The following RNF145 variants were observed in gnomAD, a reference collection of about 807,000 sequenced individuals.
The protein encoded by RNF145 is ring finger protein 145.
In RNF145, 12 loss-of-function variants were observed where a neutral mutation model predicts 57.3. The ratio of observed to expected loss-of-function variants is 0.21; its 90% CI spans 0.13 to 0.34. The LOEUF is 0.34. Ranked by LOEUF, RNF145 falls within the 10% of genes least tolerant of loss-of-function variation. The probability of loss-of-function intolerance (pLI) is 1.00; values close to 1 mark genes in which losing one functional copy is unlikely to be tolerated. For synonymous variants in RNF145, 262 were observed against 288.3 expected (o/e 0.91, Z 0.92); for missense variants, 429 against 799.0 (o/e 0.54, Z 5.58).
chr5:159,182,070 T>C lies in RNF145; in HGVS notation c.294-19A>G. 5 of 1,406,540 alleles carry C rather than the reference T, an allele frequency of 3.6e-6. No individual in the cohort carries two copies. The highest frequency in any genetic ancestry group is 5.0e-6 in the Non-Finnish European group (5 of 992,002). 87.1% of individuals were successfully genotyped at this position (1,406,540 alleles called of 1,614,324 possible). A position where few individuals can be genotyped will look rare whatever the true frequency, so the allele number is the denominator to read the frequency against. On this transcript the variant is annotated intron_variant, in intron 3 of 10. Transcript: ENST00000424310. Reference sequence around the variant, plus strand: ...ATAGTCCCTAAATAAGAAAATTGATTAGAATGTATATATTAGATACATTCC... The same window carrying C: ...ATAGTCCCTAAATAAGAAAATTGATCAGAATGTATATATTAGATACATTCC...
rs1785965574 is a variant in RNF145 at position 159,208,146 on chromosome 5, C to A, written c.-40+1085G>T. 2.8e-6 allele frequency: 4 copies of A among 1,420,682 alleles called. No individual in the cohort carries two copies. The East Asian group carries it at 1.0e-4, about 37-fold the overall frequency. The allele number at this position is 1,420,682 out of a possible 1,614,324, so 88.0% of individuals were successfully genotyped here. A position where few individuals can be genotyped will look rare whatever the true frequency, so the allele number is the denominator to read the frequency against. ...ACCTCCTCCCACAACGCCTGCAGAT[C>A]TCAGATGCGTTTGAACTACAGTAAC... On this transcript the variant is annotated intron_variant, in intron 1 of 10. Coordinates refer to ENST00000424310, the MANE Select transcript of RNF145 (RefSeq NM_001199383.2).
At position 159,158,710 on chromosome 5, in the gene RNF145, T is replaced by G. The variant is rs1469828323; in HGVS notation, c.1952A>C (p.His651Pro). The G allele has an allele frequency of 3.1e-6, 5 of 1,613,822 alleles. No individual in the cohort carries two copies. The highest frequency in any genetic ancestry group is 3.4e-6 in the Non-Finnish European group (4 of 1,179,818). Residue 651 changes from histidine (H) to proline (P), a missense_variant, in exon 11 of 11, where the codon CAC becomes CCC. By Grantham distance (77) the His-to-Pro change is moderately conservative. Transcript: ENST00000424310. ...AGGATGTGCTTCATCTTTCGCACTG[T>G]GAGGATATTCTTTGGGGTCAAAAGC... ...EGAFDPKEYP[H>P]SAKDEAHPVE...
intron 1 of RNF145, among the ~76,000 whole-genome samples, chr5:159,205,605 T>C (rs955319522): frequency 2.6e-5 from 4 of 152,160 alleles, no homozygotes; most frequent in African/African-American, 9.7e-5. Context: ...TTCAAAGTAA[T>C]ATTGAATAGA....
intron 8 of RNF145, among the ~76,000 whole-genome samples, chr5:159,168,522 T>C (rs1784453935): frequency 6.6e-6 from 1 of 152,152 alleles, no homozygotes; most frequent in Non-Finnish European, 1.5e-5. Context: ...TAAATATTAT[T>C]TGTTACATTT....
chr5:159,158,688 A>G lies in RNF145; in HGVS notation c.1974T>C (p.His658=). The change falls in exon 11 of 11, where the codon CAT becomes CAC. Residue 658 remains histidine, a synonymous_variant. Coordinates refer to ENST00000424310, the MANE Select transcript of RNF145 (RefSeq NM_001199383.2). ...EYPHSAKDEA[H]PVESA ...TTCTCCTCTAGGCTGATTCAACAGG[A>G]TGTGCTTCATCTTTCGCACTGTGAG... The G allele has an allele frequency of 2.5e-6, 4 of 1,613,926 alleles. No individual in the cohort carries two copies. Among genetic ancestry groups the G allele is most frequent in the Non-Finnish European group, 2.5e-6 (3 of 1,179,836 alleles).
intron 3 of RNF145, among the ~76,000 whole-genome samples, chr5:159,193,887 CCTTT>C (rs1230892735): frequency 1.3e-5 from 2 of 152,152 alleles, no homozygotes; most frequent in South Asian, 2.1e-4. Context: ...ATGGTAAATG[CCTTT>C]CTATCAAAAA....
Position 159,163,176 on chromosome 5 carries a change from T to C in RNF145, c.1122-97A>G, listed in dbSNP as rs143701643. On this transcript the variant is annotated intron_variant, in intron 8 of 10. Coordinates refer to ENST00000424310, the MANE Select transcript of RNF145 (RefSeq NM_001199383.2). ...ACATCTCTGGTGCCATGATCAAATT[T>C]CACAAATTCCCACTGAACACCCTTC... The C allele has an allele frequency of 2.4e-4, 276 of 1,168,404 alleles. No individual in the cohort carries two copies. In the African/African-American group the frequency reaches 3.9e-3, roughly 16 times the overall value. 72.4% of individuals were successfully genotyped at this position (1,168,404 alleles called of 1,614,324 possible).
chr5:159,197,099 A>G (rs1308759907), intron 2 of RNF145, among the ~76,000 whole-genome samples: 1 of 152,240 alleles, frequency 6.6e-6, no homozygotes, highest in African/African-American at 2.4e-5. Context: ...AAAAGTAATT[A>G]TTAGACAAAA....
At chr5:159,167,875 C>T (rs1275925699) in intron 8 of RNF145, among the ~76,000 whole-genome samples, 2 of 152,122 alleles carry the variant, frequency 1.3e-5, no homozygotes, top group African/African-American at 4.8e-5. Context: ...ATCTGATGTA[C>T]TATAATTAAA....
At chr5:159,164,479 GCA>G (rs1287618588) in intron 8 of RNF145, among the ~76,000 whole-genome samples, 1 of 152,142 alleles carries the variant, frequency 6.6e-6, no homozygotes, top group East Asian at 1.9e-4. Flanking sequence ...ATAGATTTAA[GCA>G]CACACACAGA....
intron 8 of RNF145, among the ~76,000 whole-genome samples, chr5:159,165,217 C>T (rs549093809): frequency 2.0e-5 from 3 of 152,318 alleles, no homozygotes; most frequent in Admixed American, 2.0e-4. Context: ...CCACATCTAA[C>T]GACAGGGGCA....
chr5:159,162,589 C>A (rs1312957000), intron 9 of RNF145, among the ~76,000 whole-genome samples: 3 of 151,524 alleles, frequency 2.0e-5, no homozygotes, highest in African/African-American at 7.3e-5. Context: ...CGCCCGCCAC[C>A]GCGCCCGGCT....
chr5:159,172,308 T>A (rs549218201), intron 6 of RNF145, among the ~76,000 whole-genome samples: 14 of 152,158 alleles, frequency 9.2e-5, no homozygotes, highest in African/African-American at 2.9e-4. Flanking sequence ...CTGGCCAACA[T>A]GGTCTCTACT....
chr5:159,177,610 T>C (rs996759991), intron 4 of RNF145, among the ~76,000 whole-genome samples: 4 of 152,044 alleles, frequency 2.6e-5, no homozygotes, highest in African/African-American at 9.7e-5. Flanking sequence ...TGAATAAGCT[T>C]TTACATTATG....
chr5:159,189,638 T>C (rs1785215006), intron 3 of RNF145, among the ~76,000 whole-genome samples: 1 of 152,248 alleles, frequency 6.6e-6, no homozygotes, highest in South Asian at 2.1e-4. Context: ...ACAAAACCTG[T>C]ACATGAATTG....
intron 10 of RNF145, 156 bp downstream of exon 10, chr5:159,161,110 T>C: frequency 1.9e-6 from 1 of 539,452 alleles, no homozygotes; most frequent in South Asian, 3.0e-5. Context: ...AATGGAAATA[T>C]TTTATCAGGT....
upstream of RNF145, chr5:159,209,890 C>T: frequency 5.2e-6 from 8 of 1,536,016 alleles, no homozygotes; most frequent in Non-Finnish European, 7.0e-6. Flanking sequence ...AGGGCTGATC[C>T]TGTCCCGGTG....
chr5:159,171,041 T>C lies in RNF145; in HGVS notation c.798-1222A>G, dbSNP rs146173227. On this transcript the variant is annotated intron_variant, in intron 6 of 10. Transcript: ENST00000424310. ...TCTTTCCTACACAATTGCTTATTAGTTGGTTTTTATGTGAAAGCATCTAAT... is the reference window on the plus strand; with the variant it reads ...TCTTTCCTACACAATTGCTTATTAGCTGGTTTTTATGTGAAAGCATCTAAT... Among the ~76,000 whole-genome samples, 650 of 152,312 alleles carry C rather than the reference T, an allele frequency of 4.3e-3. 7 individuals are homozygous for C. Among genetic ancestry groups the C allele is most frequent in the African/African-American group, 0.015 (626 of 41,564 alleles).
In RNF145 at chr5:159,205,578, C is replaced by T. The variant is rs1178614509; in HGVS notation, c.-39-1922G>A. Among the ~76,000 whole-genome samples, 4 of 152,254 alleles carry T rather than the reference C, an allele frequency of 2.6e-5. No homozygotes were observed. The East Asian group carries it at 7.7e-4, about 29-fold the overall frequency. On this transcript the variant is annotated intron_variant, in intron 1 of 10. Coordinates refer to ENST00000424310, the MANE Select transcript of RNF145 (RefSeq NM_001199383.2). Reference sequence around the variant, plus strand: ...TGGTGAGCAAACTGATAACCCAATACCCTCTTGGGAATTTATTTCAAAGTA... The same window carrying T: ...TGGTGAGCAAACTGATAACCCAATATCCTCTTGGGAATTTATTTCAAAGTA...
Sources: allele counts gnomAD v4.1 joint callset (sites outside exome capture counted in the v4.1 genomes callset), GRCh38; gene constraint gnomAD v4.1.1; transcripts MANE v1.5; gene names NCBI Gene and HGNC (gene_info 2026-07-23, HGNC 2026-07-21).